Variants in ZFAT observed in about 807,000 individuals in gnomAD.
ZFAT encodes the protein zinc finger and AT-hook domain containing.
A neutral mutation model predicts 117.7 loss-of-function variants in ZFAT; 64 were observed. That is an observed-to-expected ratio of 0.54 (90% CI 0.44 to 0.67). The LOEUF (loss-of-function observed/expected upper bound fraction) is 0.67, where lower values mean the gene tolerates loss of function less well. Among genes scored for constraint, ZFAT ranks in the 30% least tolerant of loss-of-function variants. ZFAT has a pLI of 0.00. For synonymous variants in ZFAT, 679 were observed against 615.0 expected, an observed-to-expected ratio of 1.10 and a Z score of -1.54; for missense variants, 1,433 against 1,584.5, an observed-to-expected ratio of 0.90 and a Z score of 1.62.
chr8:134,582,526 T>A (rs1212650399), intron 10 of ZFAT, among the ~76,000 whole-genome samples: 1 of 152,260 alleles, frequency 6.6e-6, no homozygotes, highest in East Asian at 1.9e-4. Flanking sequence ...CATAAAAAAC[T>A]ACATGACTTT....
At chr8:134,523,154 A>C (rs974741027) in intron 12 of ZFAT, among the ~76,000 whole-genome samples, 3 of 152,180 alleles carry the variant, frequency 2.0e-5, no homozygotes, top group Non-Finnish European at 2.9e-5. Flanking sequence ...GAAACCCTGC[A>C]TGGGTGCAAG....
chr8:134,814,823 G>T, the ZFAT span, among the ~76,000 whole-genome samples: 2 of 152,204 alleles, frequency 1.3e-5, no homozygotes, highest in Non-Finnish European at 2.9e-5. Context: ...GTGTGAAACA[G>T]CATAGATGTA....
intron 1 of ZFAT, among the ~76,000 whole-genome samples, chr8:134,710,841 G>A (rs1466796449): frequency 6.6e-6 from 1 of 152,148 alleles, no homozygotes; most frequent in East Asian, 1.9e-4. Flanking sequence ...TGGTTGTCTG[G>A]CATCGCCATC....
At chr8:134,676,216 A>G (rs1244793233) in intron 1 of ZFAT, among the ~76,000 whole-genome samples, 1 of 151,488 alleles carries the variant, frequency 6.6e-6, no homozygotes, top group African/African-American at 2.4e-5. Flanking sequence ...AAGGCACAAA[A>G]TAAAGGGATG....
intron 11 of ZFAT, among the ~76,000 whole-genome samples, chr8:134,547,786 T>C (rs1401623070): frequency 1.3e-5 from 2 of 152,238 alleles, no homozygotes; most frequent in Non-Finnish European, 2.9e-5. Flanking sequence ...GAACCTCTGC[T>C]GTGATCCTTC....
At chr8:134,496,963 G>C (rs980379579) in intron 15 of ZFAT, among the ~76,000 whole-genome samples, 5 of 152,262 alleles carry the variant, frequency 3.3e-5, no homozygotes, top group Admixed American at 2.0e-4. Context: ...AACGGGCAGG[G>C]GTTATCCTGA....
chr8:134,621,160 A>T (rs565331157), intron 3 of ZFAT, among the ~76,000 whole-genome samples: 97 of 150,170 alleles, frequency 6.5e-4, no homozygotes, highest in African/African-American at 2.3e-3. Flanking sequence ...AGAGCACACT[A>T]GATGACATCA....
At chr8:134,567,654 A>G (rs1824569647) in intron 10 of ZFAT, among the ~76,000 whole-genome samples, 1 of 152,188 alleles carries the variant, frequency 6.6e-6, no homozygotes, top group African/African-American at 2.4e-5. Context: ...ACAGCAGAGA[A>G]GGCCCTCCAG....
intron 13 of ZFAT, among the ~76,000 whole-genome samples, chr8:134,514,418 G>A (rs1306305186): frequency 6.6e-6 from 1 of 152,124 alleles, no homozygotes; most frequent in African/African-American, 2.4e-5. Flanking sequence ...GAAACACTAG[G>A]TGACTAATTG....
chr8:134,790,096 G>C, the ZFAT span, among the ~76,000 whole-genome samples: 82 of 152,256 alleles, frequency 5.4e-4, no homozygotes, highest in African/African-American at 1.8e-3. Flanking sequence ...TTAGTGACCT[G>C]CTAAAGTAAT....
the ZFAT span, chr8:134,785,323 C>T: frequency 6.6e-6 from 1 of 151,696 alleles, no homozygotes; most frequent in African/African-American, 2.4e-5. Context: ...TGTGGCTGGC[C>T]CTCTAATATT....
At chr8:134,552,317 T>C (rs938559174) in intron 11 of ZFAT, among the ~76,000 whole-genome samples, 2 of 152,254 alleles carry the variant, frequency 1.3e-5, no homozygotes, top group Non-Finnish European at 2.9e-5. Context: ...AATGAATAGT[T>C]AGCACTTTAT....
chr8:134,585,386 C>CT (rs1344415140), intron 9 of ZFAT, among the ~76,000 whole-genome samples: 1 of 152,168 alleles, frequency 6.6e-6, no homozygotes, highest in Non-Finnish European at 1.5e-5. Context: ...TCTTTAGATC[C>CT]TTTATAAATG....
chr8:134,663,726 A>G (rs1387522578), intron 1 of ZFAT, among the ~76,000 whole-genome samples: 1 of 152,222 alleles, frequency 6.6e-6, no homozygotes, highest in Non-Finnish European at 1.5e-5. Flanking sequence ...TGACAGAGCA[A>G]GACTCTGTCT....
intron 1 of ZFAT, among the ~76,000 whole-genome samples, chr8:134,683,867 T>C (rs1833189674): frequency 6.6e-6 from 1 of 152,030 alleles, no homozygotes. Flanking sequence ...ATATTGAATT[T>C]GTAGTTGGAA....
At chr8:134,733,784 C>G in the ZFAT span, among the ~76,000 whole-genome samples, 1 of 152,268 alleles carries the variant, frequency 6.6e-6, no homozygotes, top group Non-Finnish European at 1.5e-5. Flanking sequence ...CCTGACATGA[C>G]TTGATGGCTT....
Position 134,608,713 on chromosome 8 carries a change from GA to G in ZFAT, c.785+15del, listed in dbSNP as rs1293169075. 4 of 1,608,344 alleles carry G rather than the reference GA, an allele frequency of 2.5e-6. No individual in the cohort carries two copies. The South Asian group carries it at 4.5e-5, about 18-fold the overall frequency. On this transcript the variant is annotated intron_variant, in intron 5 of 15. Transcript: ENST00000377838. ...TGCAACCTCTGGCTGAAGTTACACA[GA>G]ACAAAACACTTTACCTGCTTGACTT...
chr8:134,701,915 T>C (rs991904956), intron 1 of ZFAT, among the ~76,000 whole-genome samples: 1 of 152,156 alleles, frequency 6.6e-6, no homozygotes, highest in Non-Finnish European at 1.5e-5. Context: ...TGCTGAGAGG[T>C]GGGGCCTTTA....
intron 2 of ZFAT, among the ~76,000 whole-genome samples, chr8:134,639,267 AG>A (rs1830448278): frequency 6.6e-6 from 1 of 152,336 alleles, no homozygotes; most frequent in South Asian, 2.1e-4. Flanking sequence ...CCAAGACCTC[AG>A]GGAAACCTGG....
Sources: gnomAD v4.1 joint callset for allele counts (sites outside exome capture counted in the v4.1 genomes callset) on GRCh38, gnomAD v4.1.1 for gene constraint, MANE v1.5 for transcripts, NCBI Gene and HGNC (gene_info 2026-07-23, HGNC 2026-07-21) for gene names.